The following CRHR2 variants were observed in gnomAD, a reference collection of about 807,000 sequenced individuals.
The protein encoded by CRHR2 is corticotropin-releasing hormone receptor 2.
A neutral mutation model predicts 57.9 loss-of-function variants in CRHR2; 53 were observed. That is an observed-to-expected ratio of 0.92 (90% CI 0.73 to 1.15). The LOEUF (loss-of-function observed/expected upper bound fraction) is 1.15. CRHR2 is among the 50% of genes most tolerant of loss of function. The pLI, the probability that CRHR2 is intolerant of heterozygous loss-of-function variation, is 0.00. For missense variants in CRHR2, 532 were observed against 542.6 expected, an observed-to-expected ratio of 0.98 and a Z score of 0.19; for synonymous variants, 213 against 220.9, an observed-to-expected ratio of 0.96 and a Z score of 0.32.
In CRHR2 at chr7:30,653,922, G is replaced by A. The variant is rs1047025303; in HGVS notation, c.1096-322C>T. ...AATTAGCATCTTGGGACCAGAGAGCGCAGCTTGGAGACTTGGCCCCCTCAG... is the reference window on the plus strand; with the variant it reads ...AATTAGCATCTTGGGACCAGAGAGCACAGCTTGGAGACTTGGCCCCCTCAG... On this transcript the variant is annotated intron_variant, in intron 11 of 11. Coordinates refer to ENST00000471646, the MANE Select transcript of CRHR2 (RefSeq NM_001883.5). This position sits in a 1 kb window ranked among gnomAD's most constrained non-coding sequence, Gnocchi z 5.0. 2.0e-5 allele frequency among the ~76,000 whole-genome samples: 3 copies of A among 152,098 alleles called. No individual in the cohort carries two copies. The highest frequency in any genetic ancestry group is 2.9e-5 in the Non-Finnish European group (2 of 68,024).
At chr7:30,686,649 C>T, upstream of CRHR2, 1 of 817,894 alleles carries the variant, frequency 1.2e-6, no homozygotes, top group Non-Finnish European at 1.9e-6. Context: ...ATAAATAGTC[C>T]ATTTGGATTT....
At chr7:30,696,886 C>T (rs1377600943) in intron 1 of CRHR2, among the ~76,000 whole-genome samples, 1 of 151,948 alleles carries the variant, frequency 6.6e-6, no homozygotes, top group Non-Finnish European at 1.5e-5. Flanking sequence ...TAAAGTGCTG[C>T]AAATTTGAGA....
In CRHR2 at chr7:30,655,959, G is replaced by A. The variant is rs183811516; in HGVS notation, c.885C>T (p.Arg295=). 9.2e-5 allele frequency: 149 copies of A among 1,614,026 alleles called. No individual in the cohort carries two copies. In the East Asian group the frequency reaches 1.3e-3, roughly 14 times the overall value. ...GGATTGTCTCGGATGTGGTGGACGC[G>A]CGTAACTTTGTCATTAGGATCCTGA... ...NIVRILMTKL[R]ASTTSETIQY... Residue 295 remains arginine, a synonymous_variant, in exon 9 of 12, where the codon CGC becomes CGT. Transcript: ENST00000471646.
chr7:30,681,792 G>A (rs568195912), intron 2 of CRHR2, 123 bp downstream of exon 2: 11 of 1,393,384 alleles, frequency 7.9e-6, no homozygotes, highest in Non-Finnish European at 9.4e-6. Flanking sequence ...CTTAACGCCC[G>A]CGGTCCGCGG....
Position 30,681,922 on chromosome 7 carries a change from G to T in CRHR2, c.222C>A (p.Asn74Lys). 1 of 1,611,170 alleles carries T rather than the reference G, an allele frequency of 6.2e-7. No homozygotes were observed. Among genetic ancestry groups the T allele is most frequent in the Non-Finnish European group, 8.5e-7 (1 of 1,179,086 alleles). Reference sequence around the variant, plus strand: ...AGGGCCGGGGGCACTCACGGGTCGTGTTGTACTTGACGCCGTTGAAGTACT... The same window carrying T: ...AGGGCCGGGGGCACTCACGGGTCGTTTTGTACTTGACGCCGTTGAAGTACT... ...CPEYFNGVKY[N>K]TTRNAYRECL... Residue 74 changes from asparagine (N) to lysine (K), a missense_variant, in exon 2 of 12, where the codon AAC (asparagine) becomes AAA (lysine). Transcript: ENST00000471646.
rs1584080283 is a variant in CRHR2, at chr7:30,656,113, T to C, written c.832-101A>G. 9.5e-6 allele frequency: 10 copies of C among 1,057,340 alleles called. No homozygotes were observed. In the East Asian group the frequency reaches 2.1e-4, roughly 22 times the overall value. 65.5% of individuals were successfully genotyped at this position (1,057,340 alleles called of 1,614,324 possible). A position where few individuals can be genotyped will look rare whatever the true frequency, so the allele number is the denominator to read the frequency against. ...TTCCCCGCAGACCCCTGGAAACCGA[T>C]GTCCCACGCACACACCTATCCTACC... On this transcript the variant is annotated intron_variant, in intron 8 of 11. Transcript: ENST00000471646. The surrounding 1 kb of genome is among the most constrained non-coding windows in gnomAD (Gnocchi z 4.4).
rs185108134 is a variant in CRHR2, at chr7:30,696,677, T to C, written c.-261+3267A>G. Among the ~76,000 whole-genome samples, 717 of 152,194 alleles carry C rather than the reference T, an allele frequency of 4.7e-3. 1 individual carries two copies. The highest frequency in any genetic ancestry group is 0.014 in the South Asian group (68 of 4,820). ...AGGCAGAGGTTGCAGTGAGCCGAGA[T>C]TGTGCCACTGCACTCCAGCCTGGGC... On this transcript the variant is annotated intron_variant, in intron 1 of 13. Transcript: ENST00000341843.
At position 30,676,769 on chromosome 7, in the gene CRHR2, G is replaced by A. The variant is rs565639514; in HGVS notation, c.229+5146C>T. On this transcript the variant is annotated intron_variant, in intron 2 of 11. Transcript: ENST00000471646. ...AGACCCAATGGGAGAGACCCCTCTG[G>A]CTGGAGACCACTCAGCTTATGTGTT... Among the ~76,000 whole-genome samples the A allele has an allele frequency of 5.9e-5, 9 of 152,318 alleles. No homozygotes were observed. The South Asian group carries it at 1.9e-3, about 32-fold the overall frequency.
intron 1 of CRHR2, among the ~76,000 whole-genome samples, chr7:30,692,480 G>A (rs559515210): frequency 3.3e-5 from 5 of 152,292 alleles, no homozygotes; most frequent in South Asian, 2.1e-4. Flanking sequence ...GCCGTTCGGC[G>A]AACTGGACAT....
chr7:30,697,668 T>C (rs1291573899), intron 1 of CRHR2, among the ~76,000 whole-genome samples: 1 of 152,122 alleles, frequency 6.6e-6, no homozygotes, highest in African/African-American at 2.4e-5. Context: ...CCTCCCCTGC[T>C]CAGAGAGCTC....
rs767377653 is a variant in CRHR2, at chr7:30,653,593, G to C, written c.1103C>G (p.Ser368Ter). ...GCGGTGCCACCTCTTCCTCACGGCT[G>C]AGCGCACCTGTGGGGAAGGCAGAGG... The part of the protein sequence containing the change: ...FYCFFNGEVR[S>*]AVRKRWHRWQ... The change falls in exon 12 of 12, where the codon TCA (serine) becomes TGA (stop). Residue 368 changes from serine to a stop codon, truncating the protein, a stop_gained. Transcript: ENST00000471646. LOFTEE classifies it high-confidence loss of function. The surrounding 1 kb of genome is among the most constrained non-coding windows in gnomAD (Gnocchi z 5.0). 2 of 1,610,210 alleles carry C rather than the reference G, an allele frequency of 1.2e-6. No homozygotes were observed. Among genetic ancestry groups the C allele is most frequent in the Non-Finnish European group, 1.7e-6 (2 of 1,179,374 alleles).
intron 1 of CRHR2, among the ~76,000 whole-genome samples, chr7:30,695,619 GGCCACTT>G (rs1785042483): frequency 6.6e-6 from 1 of 152,154 alleles, no homozygotes; most frequent in South Asian, 2.1e-4. Flanking sequence ...TCCCGTAGCA[GGCCACTT>G]GGCCTAAAGC....
In CRHR2 at chr7:30,653,964, C is replaced by A. The variant is rs1005807036; in HGVS notation, c.1096-364G>T. ...CCCCCTCAGCCTTCTTGGGCCCCTGCTCCTTGCAGGGCGTTGGTGGTGTGC... is the reference window on the plus strand; with the variant it reads ...CCCCCTCAGCCTTCTTGGGCCCCTGATCCTTGCAGGGCGTTGGTGGTGTGC... On this transcript the variant is annotated intron_variant, in intron 11 of 11. Coordinates refer to ENST00000471646, the MANE Select transcript of CRHR2 (RefSeq NM_001883.5). This position sits in a 1 kb window ranked among gnomAD's most constrained non-coding sequence, Gnocchi z 5.0. 1.3e-5 allele frequency among the ~76,000 whole-genome samples: 2 copies of A among 152,122 alleles called. No individual in the cohort carries two copies. The highest frequency in any genetic ancestry group is 4.8e-5 in the African/African-American group (2 of 41,426).
chr7:30,682,629 T>C, upstream of CRHR2: 1 of 545,664 alleles, frequency 1.8e-6, no homozygotes, highest in Non-Finnish European at 2.4e-6. Context: ...AGTTCGCAGC[T>C]CTCTTCCACT....
intron 2 of CRHR2, among the ~76,000 whole-genome samples, chr7:30,673,996 G>C (rs922508300): frequency 2.0e-5 from 3 of 152,156 alleles, no homozygotes; most frequent in Non-Finnish European, 4.4e-5. Flanking sequence ...CAGGGAACTT[G>C]GATTCCATTT....
chr7:30,686,991 C>A (rs1046940539), upstream of CRHR2, among the ~76,000 whole-genome samples: 6 of 152,182 alleles, frequency 3.9e-5, no homozygotes, highest in Non-Finnish European at 7.3e-5. Flanking sequence ...GAAACTACAT[C>A]ATTACCAGTC....
At chr7:30,699,234 G>A (rs563845578) in intron 1 of CRHR2, among the ~76,000 whole-genome samples, 102 of 152,260 alleles carry the variant, frequency 6.7e-4, no homozygotes, top group African/African-American at 2.3e-3. Context: ...TCTTTTGATG[G>A]TCGCTCTGTG....
At chr7:30,681,420 T>C (rs1394913381) in intron 2 of CRHR2, among the ~76,000 whole-genome samples, 1 of 152,152 alleles carries the variant, frequency 6.6e-6, no homozygotes. Context: ...CCACGAAACA[T>C]GCGCTCGCCC....
chr7:30,692,741 C>A (rs571168833), intron 1 of CRHR2, among the ~76,000 whole-genome samples: 69 of 152,312 alleles, frequency 4.5e-4, no homozygotes, highest in Admixed American at 2.5e-3. Flanking sequence ...AAATGCCCTA[C>A]AGAAGACAGC....
Sources: allele counts gnomAD v4.1 joint callset (sites outside exome capture counted in the v4.1 genomes callset), GRCh38; gene constraint gnomAD v4.1.1; non-coding constraint Gnocchi (gnomAD v3.1); transcripts MANE v1.5; gene names NCBI Gene and HGNC (gene_info 2026-07-23, HGNC 2026-07-21).